MALRD1: variants seen among roughly 807,000 people sequenced by gnomAD.
MALRD1 encodes MAM and LDL receptor class A domain containing 1, also known as MAM and LDL-receptor class A domain-containing protein 1.
MALRD1 carries 247 observed loss-of-function variants against 242.1 expected under a neutral mutation model. The observed-to-expected ratio is 1.02, with a 90% confidence interval of 0.92 to 1.13. MALRD1 has a LOEUF of 1.13. Ranked by LOEUF, MALRD1 falls within the 50% of genes most tolerant of loss-of-function variation. The pLI is 0.00. For synonymous variants in MALRD1, 995 were observed against 866.6 expected (o/e 1.15, Z -2.60); for missense variants, 2,989 against 2,533.1 (o/e 1.18, Z -3.86).
At chr10:19,724,662 A>T (rs963413783) in intron 38 of MALRD1, among the ~76,000 whole-genome samples, 8 of 152,238 alleles carry the variant, frequency 5.3e-5, no homozygotes, top group Non-Finnish European at 7.3e-5. Context: ...AATTGTTTAC[A>T]TTAAGGAAGT....
chr10:19,049,146 C>G lies in MALRD1; in HGVS notation c.199+9C>G, dbSNP rs1834412131. The G allele has an allele frequency of 8.1e-7, 1 of 1,233,738 alleles. No individual in the cohort carries two copies. Among genetic ancestry groups the G allele is most frequent in the African/African-American group, 1.6e-5 (1 of 64,480 alleles). 76.4% of individuals were successfully genotyped at this position (1,233,738 alleles called of 1,614,324 possible). A position where few individuals can be genotyped will look rare whatever the true frequency, so the allele number is the denominator to read the frequency against. On this transcript the variant is annotated intron_variant, in intron 1 of 39. Coordinates refer to ENST00000454679, the MANE Select transcript of MALRD1 (RefSeq NM_001142308.3). ...CAGTGATGAACGGCACTGTAAGTGA[C>G]ATTCTCCTTTCTCCAATTTCAATTC... is the stretch of plus-strand genomic sequence containing the variant.
At chr10:19,103,934 T>C in intron 4 of MALRD1, 45 bp from the exon 5 acceptor site, 1 of 1,130,208 alleles carries the variant, frequency 8.8e-7, no homozygotes, top group Non-Finnish European at 1.1e-6. Context: ...GTGATGTTCC[T>C]TGCTTTATGT....
At chr10:19,095,236 T>G (rs1036533040) in intron 4 of MALRD1, among the ~76,000 whole-genome samples, 1 of 152,228 alleles carries the variant, frequency 6.6e-6, no homozygotes, top group Non-Finnish European at 1.5e-5. Flanking sequence ...AAAAGTTGAA[T>G]TATAAGATAT....
chr10:19,279,911 C>A, intron 19 of MALRD1, 136 bp from the exon 20 acceptor site: 1 of 550,090 alleles, frequency 1.8e-6, no homozygotes, highest in Non-Finnish European at 2.9e-6. Flanking sequence ...TTTATTTTAG[C>A]AGAGTAGCTG....
chr10:19,719,219 C>CATAT (rs1290415118), intron 38 of MALRD1, among the ~76,000 whole-genome samples: 35 of 30,328 alleles, frequency 1.2e-3, no homozygotes, highest in African/African-American at 2.1e-3. Context: ...TATACACATA[C>CATAT]ATACATATAT....
chr10:19,321,278 T>C (rs1842907248), intron 21 of MALRD1, among the ~76,000 whole-genome samples: 1 of 152,174 alleles, frequency 6.6e-6, no homozygotes. Flanking sequence ...ATAAAGTCTG[T>C]TGGGAATGTG....
intron 21 of MALRD1, among the ~76,000 whole-genome samples, chr10:19,310,082 G>A (rs1369663228): frequency 6.6e-6 from 1 of 151,416 alleles, no homozygotes; most frequent in Non-Finnish European, 1.5e-5. Context: ...TCTTGTCAGT[G>A]TCTCACACAG....
intron 36 of MALRD1, among the ~76,000 whole-genome samples, chr10:19,623,585 C>T (rs953668875): frequency 2.0e-5 from 3 of 152,146 alleles, no homozygotes; most frequent in East Asian, 3.9e-4. Flanking sequence ...TGCTTTAACT[C>T]CCAGTCCAAG....
intron 36 of MALRD1, among the ~76,000 whole-genome samples, chr10:19,678,353 G>A (rs1300748879): frequency 1.3e-5 from 2 of 152,112 alleles, no homozygotes; most frequent in Non-Finnish European, 2.9e-5. Context: ...CTTGAGGAGA[G>A]GTTTGTAGTT....
chr10:19,352,499 G>T (rs1844433516), intron 26 of MALRD1, among the ~76,000 whole-genome samples: 1 of 151,210 alleles, frequency 6.6e-6, no homozygotes, highest in Admixed American at 6.6e-5. Flanking sequence ...CAAGTGTTTT[G>T]GTCTGTTTAT....
At chr10:19,484,463 A>G (rs1193917843) in intron 29 of MALRD1, among the ~76,000 whole-genome samples, 1 of 152,200 alleles carries the variant, frequency 6.6e-6, no homozygotes, top group Non-Finnish European at 1.5e-5. Context: ...TGCAATTAGC[A>G]TAAAGCTCAT....
intron 32 of MALRD1, among the ~76,000 whole-genome samples, chr10:19,559,810 C>T (rs996710260): frequency 6.6e-6 from 1 of 152,018 alleles, no homozygotes; most frequent in African/African-American, 2.4e-5. Flanking sequence ...AGAAACAACC[C>T]CATCGAACCA....
chr10:19,198,986 A>G (rs545030736), intron 14 of MALRD1, among the ~76,000 whole-genome samples: 16 of 152,334 alleles, frequency 1.1e-4, no homozygotes, highest in Admixed American at 2.0e-4. Context: ...CTGAAACTCA[A>G]AAGAATTACA....
intron 32 of MALRD1, among the ~76,000 whole-genome samples, chr10:19,560,501 A>T (rs934424545): frequency 3.3e-5 from 5 of 152,080 alleles, no homozygotes. Flanking sequence ...ATAAATAAAG[A>T]CACATGCACA....
chr10:19,178,921 GT>G (rs1281700798), intron 14 of MALRD1, among the ~76,000 whole-genome samples: 1 of 152,306 alleles, frequency 6.6e-6, no homozygotes, highest in East Asian at 1.9e-4. Flanking sequence ...AGTGAGCATT[GT>G]ATGATGAAGA....
intron 36 of MALRD1, among the ~76,000 whole-genome samples, chr10:19,639,152 A>G (rs1401756655): frequency 1.3e-5 from 2 of 152,226 alleles, no homozygotes; most frequent in Admixed American, 6.5e-5. Flanking sequence ...TCCTTCAAAA[A>G]GTGATTGTGT....
At chr10:19,405,984 T>G (rs1847084417) in intron 28 of MALRD1, among the ~76,000 whole-genome samples, 1 of 152,150 alleles carries the variant, frequency 6.6e-6, no homozygotes, top group Non-Finnish European at 1.5e-5. Context: ...AGATCACTGG[T>G]CATGTAGCTG....
At chr10:19,269,610 C>T (rs1840116637) in intron 19 of MALRD1, among the ~76,000 whole-genome samples, 1 of 152,168 alleles carries the variant, frequency 6.6e-6, no homozygotes, top group Admixed American at 6.5e-5. Flanking sequence ...TTCCACATCA[C>T]AGAGTCTGTG....
At chr10:19,318,510 C>T (rs1257311485) in intron 21 of MALRD1, among the ~76,000 whole-genome samples, 6 of 149,590 alleles carry the variant, frequency 4.0e-5, no homozygotes, top group African/African-American at 1.5e-4. Flanking sequence ...CCTTGGTTAC[C>T]TTAGGGTTTT....
Sources: gnomAD v4.1 joint callset for allele counts (sites outside exome capture counted in the v4.1 genomes callset) on GRCh38, gnomAD v4.1.1 for gene constraint, MANE v1.5 for transcripts, NCBI Gene and HGNC (gene_info 2026-07-23, HGNC 2026-07-21) for gene names.